KMT5A: variants seen among roughly 807,000 people sequenced by gnomAD.
KMT5A encodes the protein lysine methyltransferase 5A.
A neutral mutation model predicts 40.6 loss-of-function variants in KMT5A; 6 were observed. That is an observed-to-expected ratio of 0.15 (90% CI 0.08 to 0.29). KMT5A has a LOEUF of 0.29. KMT5A is among the 10% of genes least tolerant of loss of function. The pLI is 1.00. For synonymous variants in KMT5A, 153 were observed against 178.8 expected (o/e 0.86, Z 1.15); for missense variants, 308 against 459.1 (o/e 0.67, Z 3.01).
chr12:123,400,996 T>C (rs1055177883), intron 5 of KMT5A, among the ~76,000 whole-genome samples: 6 of 151,576 alleles, frequency 4.0e-5, no homozygotes, highest in African/African-American at 1.5e-4. Context: ...GGTTTCGTCA[T>C]GTTGGCCAGG....
At chr12:123,403,155 G>A (rs1290285641) in intron 5 of KMT5A, among the ~76,000 whole-genome samples, 2 of 152,210 alleles carry the variant, frequency 1.3e-5, no homozygotes, top group African/African-American at 2.4e-5. Context: ...CGCCCGCCTC[G>A]GCCTCCCGAA....
At position 123,403,936 on chromosome 12, in the gene KMT5A, T is replaced by A. The variant is rs1174619399; in HGVS notation, c.657+304T>A. 2.0e-5 allele frequency among the ~76,000 whole-genome samples: 3 copies of A among 152,168 alleles called. No individual in the cohort carries two copies. The East Asian group carries it at 5.8e-4, about 29-fold the overall frequency. On this transcript the variant is annotated intron_variant, in intron 6 of 7. Transcript: ENST00000402868. Reference sequence around the variant, plus strand: ...ATGCAATGCAACCATTATCCCTGTCTAATTTCAGAATTTTTTCATCCTCCC... The same window carrying A: ...ATGCAATGCAACCATTATCCCTGTCAAATTTCAGAATTTTTTCATCCTCCC...
At chr12:123,403,518 C>T (rs1359472035) in intron 5 of KMT5A, 55 bp from the exon 6 acceptor site, 28 of 1,583,948 alleles carry the variant, frequency 1.8e-5, no homozygotes, top group African/African-American at 5.4e-5. Flanking sequence ...CATCAAGCTA[C>T]GCACGATGGG....
At chr12:123,401,476 C>G (rs545274085) in intron 5 of KMT5A, among the ~76,000 whole-genome samples, 2 of 151,648 alleles carry the variant, frequency 1.3e-5, no homozygotes, top group South Asian at 4.2e-4. Context: ...TCTTTCATAT[C>G]TTTTAAGTGG....
Position 123,384,192 on chromosome 12 carries a change from T to C in KMT5A, c.-7T>C. On this transcript the variant is annotated 5_prime_UTR_variant, in exon 1 of 8. Transcript: ENST00000402868. This position sits in a 1 kb window ranked among gnomAD's most constrained non-coding sequence, Gnocchi z 5.7. ...CGGGAGATCCCAGGCGGTGACAGAGTGGAGCCATGGCTAGAGGTATTTGCC... is the reference window on the plus strand; with the variant it reads ...CGGGAGATCCCAGGCGGTGACAGAGCGGAGCCATGGCTAGAGGTATTTGCC... 3 of 1,613,428 alleles carry C rather than the reference T, an allele frequency of 1.9e-6. No individual in the cohort carries two copies. The highest frequency in any genetic ancestry group is 1.7e-6 in the Non-Finnish European group (2 of 1,179,738).
Position 123,407,480 on chromosome 12 carries a change from C to T in KMT5A, c.849-13C>T. 1 of 1,613,738 alleles carries T rather than the reference C, an allele frequency of 6.2e-7. No individual in the cohort carries two copies. The highest frequency in any genetic ancestry group is 8.5e-7 in the Non-Finnish European group (1 of 1,179,676). On this transcript the variant is annotated splice_polypyrimidine_tract_variant and intron_variant, in intron 7 of 7. Transcript: ENST00000402868. ...TATCCATTTAATCCTCTCTGGCCCTCCTTCCCCTCCAGCGTGGATGCAACT... is the reference window on the plus strand; with the variant it reads ...TATCCATTTAATCCTCTCTGGCCCTTCTTCCCCTCCAGCGTGGATGCAACT...
chr12:123,405,756 C>T (rs1383690644), intron 7 of KMT5A, among the ~76,000 whole-genome samples: 4 of 151,744 alleles, frequency 2.6e-5, no homozygotes, highest in African/African-American at 4.8e-5. Context: ...ATATGGTCTG[C>T]CTGCCTTAGC....
chr12:123,389,639 G>C (rs1182346301), intron 2 of KMT5A, 85 bp downstream of exon 2: 3 of 972,230 alleles, frequency 3.1e-6, no homozygotes, highest in East Asian at 1.9e-4. Flanking sequence ...GTACCCGCCC[G>C]GGGCGCCCGG....
intron 7 of KMT5A, among the ~76,000 whole-genome samples, chr12:123,405,703 T>C (rs1346701898): frequency 6.6e-6 from 1 of 151,692 alleles, no homozygotes; most frequent in Non-Finnish European, 1.5e-5. Context: ...ATTTTTTTAG[T>C]AGAGACAGGG....
In KMT5A at chr12:123,389,511, A is replaced by G; in HGVS notation, c.89A>G (p.Glu30Gly). ...GTGGCAGCGACGGCCCCGGGCCCGGAGATGGTGGAGCGGAGGGGCCCGGGG... is the reference window on the plus strand; with the variant it reads ...GTGGCAGCGACGGCCCCGGGCCCGGGGATGGTGGAGCGGAGGGGCCCGGGG... ...AAVAATAPGP[E>G]MVERRGPGRP... Residue 30 changes from glutamate to glycine, a missense_variant, in exon 2 of 8, where the codon GAG becomes GGG. This residue lies in a region of KMT5A where 92 missense variants were observed against 78.3 expected (regional missense o/e 1.18). Coordinates refer to ENST00000402868, the MANE Select transcript of KMT5A (RefSeq NM_020382.7). 1 of 1,119,612 alleles carries G rather than the reference A, an allele frequency of 8.9e-7. No homozygotes were observed. Among genetic ancestry groups the G allele is most frequent in the Non-Finnish European group, 1.1e-6 (1 of 921,774 alleles). The allele number at this position is 1,119,612 out of a possible 1,614,324, so 69.4% of individuals were successfully genotyped here.
At chr12:123,397,649 G>A (rs1877832708) in intron 5 of KMT5A, among the ~76,000 whole-genome samples, 2 of 149,840 alleles carry the variant, frequency 1.3e-5, no homozygotes, top group South Asian at 4.3e-4. Context: ...GCAGTGGGAG[G>A]CTGTGCTAGG....
intron 5 of KMT5A, among the ~76,000 whole-genome samples, chr12:123,401,837 C>T (rs28574664): frequency 0.53 from 79,886 of 151,982 alleles, 25,311 homozygotes; most frequent in East Asian, 0.7. Flanking sequence ...CCACCTCAGC[C>T]TCCCAAAGTG....
At chr12:123,405,402 C>G (rs1878460564) in intron 7 of KMT5A, among the ~76,000 whole-genome samples, 2 of 151,838 alleles carry the variant, frequency 1.3e-5, no homozygotes, top group Admixed American at 1.3e-4. Context: ...AACTCCTGAC[C>G]TCAGACGATC....
chr12:123,392,897 GAC>G (rs368813356), intron 3 of KMT5A, among the ~76,000 whole-genome samples: 2 of 152,090 alleles, frequency 1.3e-5, no homozygotes, highest in African/African-American at 4.8e-5. Context: ...TTTTTTTTGA[GAC>G]ACAGTCTCGC....
intron 5 of KMT5A, among the ~76,000 whole-genome samples, chr12:123,399,489 C>G (rs1877988424): frequency 6.6e-6 from 1 of 152,236 alleles, no homozygotes; most frequent in Non-Finnish European, 1.5e-5. Flanking sequence ...ACCCCCATTC[C>G]ACTACCCCGG....
intron 2 of KMT5A, chr12:123,389,915 C>T (rs1877160814): frequency 5.5e-6 from 2 of 366,608 alleles, no homozygotes; most frequent in African/African-American, 2.1e-5. Context: ...GGGACGCCCT[C>T]CTCCGTCTGT....
intron 3 of KMT5A, among the ~76,000 whole-genome samples, chr12:123,392,142 T>C (rs967769934): frequency 6.6e-6 from 1 of 152,158 alleles, no homozygotes; most frequent in Non-Finnish European, 1.5e-5. Flanking sequence ...TGTGGTGGAC[T>C]CCATGTGCCA....
chr12:123,407,872 A>G lies in KMT5A; in HGVS notation c.*169A>G, dbSNP rs1353330993. 3.3e-6 allele frequency: 2 copies of G among 602,802 alleles called. No homozygotes were observed. The highest frequency in any genetic ancestry group is 2.8e-5 in the East Asian group (1 of 36,104). The allele number at this position is 602,802 out of a possible 1,614,324, so 37.3% of individuals were successfully genotyped here. On this transcript the variant is annotated 3_prime_UTR_variant, in exon 8 of 8. Coordinates refer to ENST00000402868, the MANE Select transcript of KMT5A (RefSeq NM_020382.7). ...TCACTGTAGTATTTAAATATCTGTT[A>G]CAGGTTTCCAAGGTGGACTTGAACA...
chr12:123,404,784 C>T (rs1442846555), intron 6 of KMT5A, 100 bp from the exon 7 acceptor site: 10 of 1,131,012 alleles, frequency 8.8e-6, no homozygotes, highest in Admixed American at 2.3e-5. Context: ...CTCAGTACAG[C>T]TGTTAAAGAC....
Sources: allele counts gnomAD v4.1 joint callset (sites outside exome capture counted in the v4.1 genomes callset), GRCh38; gene constraint gnomAD v4.1.1; regional missense constraint gnomAD v4.1.1; non-coding constraint Gnocchi (gnomAD v3.1); transcripts MANE v1.5; gene names NCBI Gene and HGNC (gene_info 2026-07-23, HGNC 2026-07-21).